The following SLIT2 variants were observed in gnomAD, a reference collection of about 807,000 sequenced individuals.
SLIT2 encodes the protein slit homolog 2 protein.
Under a neutral mutation model 185.7 loss-of-function variants are expected in SLIT2, and 41 were observed. The ratio of observed to expected loss-of-function variants is 0.22; its 90% CI spans 0.17 to 0.29. SLIT2 has a LOEUF of 0.29. Ranked by LOEUF, SLIT2 falls within the 10% of genes least tolerant of loss-of-function variation. The pLI, the probability that SLIT2 is intolerant of heterozygous loss-of-function variation, is 1.00. For missense variants in SLIT2, 1,571 were observed against 1,909.0 expected, an observed-to-expected ratio of 0.82 and a Z score of 3.30; for synonymous variants, 693 against 680.2, an observed-to-expected ratio of 1.02 and a Z score of -0.29.
chr4:20,397,228 G>C (rs568848075), intron 4 of SLIT2, among the ~76,000 whole-genome samples: 1 of 151,768 alleles, frequency 6.6e-6, no homozygotes, highest in Non-Finnish European at 1.5e-5. Context: ...TCTTGTGCAG[G>C]GACCTACCTA....
intron 4 of SLIT2, among the ~76,000 whole-genome samples, chr4:20,382,755 T>C (rs1035975153): frequency 5.3e-5 from 8 of 152,210 alleles, no homozygotes; most frequent in Non-Finnish European, 1.2e-4. Flanking sequence ...GCACTTCCAC[T>C]CAAAATATCC....
intron 16 of SLIT2, 65 bp downstream of exon 16, chr4:20,529,164 A>C: frequency 7.9e-7 from 1 of 1,268,414 alleles, no homozygotes; most frequent in Non-Finnish European, 1.1e-6. Context: ...AAGCATAAGA[A>C]TGTTTGTCTT....
intron 4 of SLIT2, among the ~76,000 whole-genome samples, chr4:20,302,727 A>C (rs957245213): frequency 2.0e-5 from 3 of 152,198 alleles, no homozygotes; most frequent in Admixed American, 6.5e-5. Context: ...AATCGATTGG[A>C]GGATGCATTG....
At chr4:20,289,421 A>G (rs1006737706) in intron 4 of SLIT2, among the ~76,000 whole-genome samples, 1 of 152,026 alleles carries the variant, frequency 6.6e-6, no homozygotes, top group Non-Finnish European at 1.5e-5. Flanking sequence ...CTTGGTCAGG[A>G]TGTCTTTATT....
rs28550076 is a variant in SLIT2 at position 20,443,805 on chromosome 4, A to G, written c.396-23947A>G. Reference sequence around the variant, plus strand: ...AACTTCTGAAGAGCCTCATCATGTAATAATTTCCCTGGAGAAGAAGAACAA... The same window carrying G: ...AACTTCTGAAGAGCCTCATCATGTAGTAATTTCCCTGGAGAAGAAGAACAA... On this transcript the variant is annotated intron_variant, in intron 4 of 36. Coordinates refer to ENST00000504154, the MANE Select transcript of SLIT2 (RefSeq NM_004787.4). 5.3e-3 allele frequency among the ~76,000 whole-genome samples: 804 copies of G among 152,258 alleles called. 11 individuals carry two copies. Among genetic ancestry groups the G allele is most frequent in the African/African-American group, 0.019 (780 of 41,542 alleles).
intron 4 of SLIT2, among the ~76,000 whole-genome samples, chr4:20,401,756 T>G (rs1349636427): frequency 6.6e-6 from 1 of 151,826 alleles, no homozygotes; most frequent in Non-Finnish European, 1.5e-5. Flanking sequence ...TCACGATTCT[T>G]CATCTAAAAA....
chr4:20,395,467 G>C (rs1027413303), intron 4 of SLIT2, among the ~76,000 whole-genome samples: 1 of 152,000 alleles, frequency 6.6e-6, no homozygotes, highest in Non-Finnish European at 1.5e-5. Flanking sequence ...AGGGACCATT[G>C]AGGTATTTTC....
chr4:20,273,342 T>C (rs960064622), intron 4 of SLIT2, among the ~76,000 whole-genome samples: 2 of 152,088 alleles, frequency 1.3e-5, no homozygotes, highest in African/African-American at 4.8e-5. Context: ...ATTATTATCT[T>C]AGAATTATTT....
chr4:20,344,269 T>G (rs903159328), intron 4 of SLIT2, among the ~76,000 whole-genome samples: 1 of 152,190 alleles, frequency 6.6e-6, no homozygotes, highest in African/African-American at 2.4e-5. Context: ...TCTGATAAAG[T>G]TGACAATGAT....
In SLIT2 at chr4:20,598,324, G is replaced by A. The variant is rs144274723; in HGVS notation, c.3621G>A (p.Ala1207=). Reference sequence around the variant, plus strand: ...ATAAGGGTGACAAAGACCATATCGCGGTAGAACTCTATCGGGGGCGTGTTC... The same window carrying A: ...ATAAGGGTGACAAAGACCATATCGCAGTAGAACTCTATCGGGGGCGTGTTC... ...LLYKGDKDHI[A]VELYRGRVRA... is the part of the protein sequence containing the mutation. The change falls in exon 33 of 37, where the codon GCG becomes GCA. Residue 1207 remains alanine, a synonymous_variant. Transcript: ENST00000504154. 393 of 1,613,912 alleles carry A rather than the reference G, an allele frequency of 2.4e-4. 1 individual carries two copies. Among genetic ancestry groups the A allele is most frequent in the Middle Eastern group, 4.9e-4 (3 of 6,084 alleles).
intron 4 of SLIT2, among the ~76,000 whole-genome samples, chr4:20,304,787 C>A (rs963107397): frequency 6.6e-6 from 1 of 152,128 alleles, no homozygotes; most frequent in Non-Finnish European, 1.5e-5. Context: ...CCATACCATA[C>A]AAAACGCAAA....
chr4:20,357,406 T>C (rs1397424280), intron 4 of SLIT2, among the ~76,000 whole-genome samples: 1 of 152,182 alleles, frequency 6.6e-6, no homozygotes, highest in Non-Finnish European at 1.5e-5. Flanking sequence ...TCTCTGCTAT[T>C]TTCTCTTTTC....
intron 9 of SLIT2, among the ~76,000 whole-genome samples, chr4:20,494,633 G>GC (rs1218103570): frequency 1.3e-5 from 2 of 151,978 alleles, no homozygotes; most frequent in Admixed American, 1.3e-4. Flanking sequence ...ACAAAAATTA[G>GC]CCGGGCGTGG....
chr4:20,527,983 G>T (rs944639319), intron 15 of SLIT2, among the ~76,000 whole-genome samples: 3 of 151,950 alleles, frequency 2.0e-5, no homozygotes, highest in Admixed American at 6.6e-5. Flanking sequence ...GATCTTTTGA[G>T]CTTCTCTGTT....
At chr4:20,297,676 A>AT (rs527548100) in intron 4 of SLIT2, among the ~76,000 whole-genome samples, 5 of 135,328 alleles carry the variant, frequency 3.7e-5, no homozygotes, top group African/African-American at 8.0e-5. Context: ...CTTATTGCTA[A>AT]TTTTAAAAAA....
At chr4:20,356,118 C>G (rs1328044043) in intron 4 of SLIT2, among the ~76,000 whole-genome samples, 3 of 151,932 alleles carry the variant, frequency 2.0e-5, no homozygotes, top group Non-Finnish European at 4.4e-5. Context: ...TTTTGGGATG[C>G]CATTCAGTAA....
At chr4:20,391,325 T>A (rs1725396266) in intron 4 of SLIT2, among the ~76,000 whole-genome samples, 1 of 152,072 alleles carries the variant, frequency 6.6e-6, no homozygotes, top group African/African-American at 2.4e-5. Flanking sequence ...TTTGAATGAC[T>A]GGCAAAGTGT....
chr4:20,341,371 A>G (rs910828402), intron 4 of SLIT2, among the ~76,000 whole-genome samples: 4 of 152,226 alleles, frequency 2.6e-5, no homozygotes, highest in African/African-American at 9.6e-5. Flanking sequence ...TAAAGCAACC[A>G]CTAAGGGTGC....
intron 26 of SLIT2, among the ~76,000 whole-genome samples, chr4:20,565,012 G>A (rs1056868953): frequency 6.6e-6 from 1 of 151,830 alleles, no homozygotes; most frequent in African/African-American, 2.4e-5. Flanking sequence ...CTTCAGCCAG[G>A]CAATGATGCT....
Sources: gnomAD v4.1 joint callset for allele counts (sites outside exome capture counted in the v4.1 genomes callset) on GRCh38, gnomAD v4.1.1 for gene constraint, MANE v1.5 for transcripts, NCBI Gene and HGNC (gene_info 2026-07-23, HGNC 2026-07-21) for gene names.